Variants in SNRPD3 observed in about 807,000 individuals in gnomAD.
SNRPD3 encodes the protein small nuclear ribonucleoprotein Sm D3.
For synonymous variants in SNRPD3, 66 were observed against 58.4 expected (o/e 1.13, Z -0.59); for missense variants, 73 against 167.5 (o/e 0.44, Z 3.11).
In SNRPD3 at chr22:24,557,728, G is replaced by A; in HGVS notation, c.54G>A (p.Val18=). The change falls in exon 2 of 4, where the codon GTG becomes GTA. Residue 18 remains valine, a synonymous_variant. Coordinates refer to ENST00000215829, the MANE Select transcript of SNRPD3 (RefSeq NM_004175.5). ...TGCATGAGGCCGAGGGCCACATTGT[G>A]ACATGTGAGACGAACACCGGTGAGG... The part of the protein sequence containing the change: ...KVLHEAEGHI[V]TCETNTGEVY... 1 of 1,612,374 alleles carries A rather than the reference G, an allele frequency of 6.2e-7. No homozygotes were observed. The highest frequency in any genetic ancestry group is 8.5e-7 in the Non-Finnish European group (1 of 1,178,910).
intron 3 of SNRPD3, among the ~76,000 whole-genome samples, chr22:24,568,723 CT>C (rs1569027382): frequency 6.6e-6 from 1 of 151,680 alleles, no homozygotes; most frequent in Admixed American, 6.6e-5. Context: ...CGCCGGGCTA[CT>C]TTTTGTATTT....
chr22:24,570,237 AAGG>A (rs1302921339), intron 3 of SNRPD3, among the ~76,000 whole-genome samples: 1 of 152,212 alleles, frequency 6.6e-6, no homozygotes, highest in African/African-American at 2.4e-5. Context: ...GGGCAGGTGA[AAGG>A]AGGGCAGGAG....
Position 24,574,490 on chromosome 22 carries a change from G to A in SNRPD3, c.*2513G>A, listed in dbSNP as rs570747038. Among the ~76,000 whole-genome samples the A allele has an allele frequency of 2.0e-5, 3 of 152,238 alleles. No homozygotes were observed. Among genetic ancestry groups the A allele is most frequent in the East Asian group, 3.9e-4 (2 of 5,192 alleles). On this transcript the variant is annotated 3_prime_UTR_variant, in exon 4 of 4. Coordinates refer to ENST00000215829, the MANE Select transcript of SNRPD3 (RefSeq NM_004175.5). Reference sequence around the variant, plus strand: ...TGTCCAACTCTTGGCTGATTTGTTTGTATTTACCTCCATGTCTCAATATGA... The same window carrying A: ...TGTCCAACTCTTGGCTGATTTGTTTATATTTACCTCCATGTCTCAATATGA...
At chr22:24,569,123 A>G (rs748574909) in intron 3 of SNRPD3, among the ~76,000 whole-genome samples, 8 of 152,144 alleles carry the variant, frequency 5.3e-5, no homozygotes, top group Non-Finnish European at 1.0e-4. Flanking sequence ...TGAGGGCAGC[A>G]TTTCCTAGCG....
rs910972780 is a variant in SNRPD3, at chr22:24,573,105, G to A, written c.*1128G>A. Among the ~76,000 whole-genome samples the A allele has an allele frequency of 1.3e-5, 2 of 152,156 alleles. No individual in the cohort carries two copies. The highest frequency in any genetic ancestry group is 2.1e-4 in the South Asian group (1 of 4,818). On this transcript the variant is annotated 3_prime_UTR_variant, in exon 4 of 4. Transcript: ENST00000215829. Reference sequence around the variant, plus strand: ...TGTAGTCCTCGCTACTAGGGAGGCTGAGGTGGGAGGATCACTTGAGCCTGG... The same window carrying A: ...TGTAGTCCTCGCTACTAGGGAGGCTAAGGTGGGAGGATCACTTGAGCCTGG...
chr22:24,564,022 T>G (rs1399532288), intron 2 of SNRPD3, among the ~76,000 whole-genome samples: 3 of 151,848 alleles, frequency 2.0e-5, no homozygotes, highest in African/African-American at 7.3e-5. Flanking sequence ...TATCGTATAC[T>G]TTTTTTTTCC....
chr22:24,565,251 T>C (rs959626194), intron 2 of SNRPD3, among the ~76,000 whole-genome samples: 2 of 151,922 alleles, frequency 1.3e-5, no homozygotes, highest in East Asian at 3.9e-4. Flanking sequence ...AAGAACTGGG[T>C]TCAAACTCCA....
rs1164219539 is a variant in SNRPD3, at chr22:24,557,776, A to G, written c.102A>G (p.Glu34=). Residue 34 remains glutamate (E), a synonymous_variant, in exon 2 of 4, where the codon GAA becomes GAG. Coordinates refer to ENST00000215829, the MANE Select transcript of SNRPD3 (RefSeq NM_004175.5). ...TGEVYRGKLI[E]AEDNMNCQMS... ...AGGTATATCGGGGGAAGCTCATTGA[A>G]GCAGAGGACAACATGAACTGCCAGG... The G allele has an allele frequency of 6.2e-7, 1 of 1,609,884 alleles. No individual in the cohort carries two copies. The highest frequency in any genetic ancestry group is 8.5e-7 in the Non-Finnish European group (1 of 1,178,428).
chr22:24,574,562 T>C lies in SNRPD3; in HGVS notation c.*2585T>C, dbSNP rs2045274246. Among the ~76,000 whole-genome samples, 1 of 152,168 alleles carries C rather than the reference T, an allele frequency of 6.6e-6. No individual in the cohort carries two copies. On this transcript the variant is annotated 3_prime_UTR_variant, in exon 4 of 4. Coordinates refer to ENST00000215829, the MANE Select transcript of SNRPD3 (RefSeq NM_004175.5). Reference sequence around the variant, plus strand: ...TTGATGGTTTTTTGTTTGCTTGTTTTAAGACGGTCTCACTCTTCCCCAGGC... The same window carrying C: ...TTGATGGTTTTTTGTTTGCTTGTTTCAAGACGGTCTCACTCTTCCCCAGGC...
chr22:24,560,032 A>T (rs1046866905), intron 2 of SNRPD3, among the ~76,000 whole-genome samples: 1 of 149,320 alleles, frequency 6.7e-6, no homozygotes, highest in Non-Finnish European at 1.5e-5. Flanking sequence ...GATACCATGC[A>T]TGTAGGATTA....
rs1366854550 is a variant in SNRPD3 at position 24,574,765 on chromosome 22, C to G, written c.*2788C>G. Among the ~76,000 whole-genome samples, 1 of 152,134 alleles carries G rather than the reference C, an allele frequency of 6.6e-6. No homozygotes were observed. The highest frequency in any genetic ancestry group is 1.5e-5 in the Non-Finnish European group (1 of 68,026). ...CCATGTTGCCCAAGCTGGTCTTGAA[C>G]TCCGGGGCTCAAGTGATCTGCCCGC... On this transcript the variant is annotated 3_prime_UTR_variant, in exon 4 of 4. Coordinates refer to ENST00000215829, the MANE Select transcript of SNRPD3 (RefSeq NM_004175.5).
chr22:24,572,379 T>C lies in SNRPD3; in HGVS notation c.*402T>C, dbSNP rs951791876. 5.8e-6 allele frequency: 3 copies of C among 517,882 alleles called. No homozygotes were observed. Among genetic ancestry groups the C allele is most frequent in the Admixed American group, 6.9e-5 (2 of 28,962 alleles). The allele number at this position is 517,882 out of a possible 1,614,324, so 32.1% of individuals were successfully genotyped here. On this transcript the variant is annotated 3_prime_UTR_variant, in exon 4 of 4. Coordinates refer to ENST00000215829, the MANE Select transcript of SNRPD3 (RefSeq NM_004175.5). ...TCATTCATCTTCAGACACAGGCACA[T>C]AGTGTGGCACTTTGTTCAGTTAACA...
At chr22:24,570,601 T>A (rs868108722) in intron 3 of SNRPD3, among the ~76,000 whole-genome samples, 48 of 152,014 alleles carry the variant, frequency 3.2e-4, no homozygotes, top group African/African-American at 1.1e-3. Flanking sequence ...GAGAATCGCT[T>A]GAACCCAGGA....
chr22:24,557,980 A>G (rs2045096388), intron 2 of SNRPD3, 180 bp downstream of exon 2: 2 of 488,420 alleles, frequency 4.1e-6, no homozygotes, highest in East Asian at 3.6e-5. Context: ...AACGAGACAC[A>G]TAATCTTGAG....
At chr22:24,556,196 C>T in intron 1 of SNRPD3, 125 bp downstream of exon 1, 1 of 371,064 alleles carries the variant, frequency 2.7e-6, no homozygotes, top group Non-Finnish European at 5.0e-6. Context: ...TTGGGCCACC[C>T]AAACATCAGC....
chr22:24,566,430 C>G (rs762448396), intron 2 of SNRPD3, among the ~76,000 whole-genome samples: 5 of 152,064 alleles, frequency 3.3e-5, no homozygotes, highest in Non-Finnish European at 7.4e-5. Context: ...GCCACCACAC[C>G]CAGCTAATTT....
intron 3 of SNRPD3, among the ~76,000 whole-genome samples, chr22:24,571,226 A>T (rs1490089438): frequency 6.6e-6 from 1 of 152,216 alleles, no homozygotes; most frequent in African/African-American, 2.4e-5. Flanking sequence ...TGAAAAAATT[A>T]ATTCAGTGCA....
intron 3 of SNRPD3, among the ~76,000 whole-genome samples, chr22:24,570,815 C>CTT (rs10705174): frequency 0.014 from 1,511 of 106,426 alleles, 72 homozygotes; most frequent in African/African-American, 0.046. Context: ...TGAAATAATT[C>CTT]TTTTTTTTTT....
At chr22:24,560,109 T>TTTTTTTG (rs2045118856) in intron 2 of SNRPD3, among the ~76,000 whole-genome samples, 1 of 3,880 alleles carries the variant, frequency 2.6e-4, no homozygotes, top group Non-Finnish European at 2.1e-3. Context: ...TTTTTTTTTT[T>TTTTTTTG]GAGATGGAGC....
Sources: allele counts gnomAD v4.1 joint callset (sites outside exome capture counted in the v4.1 genomes callset), GRCh38; gene constraint gnomAD v4.1.1; transcripts MANE v1.5; gene names NCBI Gene and HGNC (gene_info 2026-07-23, HGNC 2026-07-21).